CCSER1: variants seen among roughly 807,000 people sequenced by gnomAD.
CCSER1 encodes serine-rich coiled-coil domain-containing protein 1.
A neutral mutation model predicts 82.0 loss-of-function variants in CCSER1; 41 were observed. The observed-to-expected ratio is 0.50, with a 90% CI of 0.39 to 0.65. CCSER1 has a LOEUF of 0.65. CCSER1 is among the 30% of genes least tolerant of loss of function. The probability of loss-of-function intolerance (pLI) is 0.00; values close to 1 mark genes in which losing one functional copy is unlikely to be tolerated. For synonymous variants in CCSER1, 414 were observed against 383.9 expected (o/e 1.08, Z -0.92); for missense variants, 1,119 against 1,064.2 (o/e 1.05, Z -0.72).
At chr4:91,025,856 G>C (rs190356017) in intron 9 of CCSER1, among the ~76,000 whole-genome samples, 16 of 152,158 alleles carry the variant, frequency 1.1e-4, no homozygotes, top group African/African-American at 3.9e-4. Flanking sequence ...GTTTGGTTTT[G>C]ATTTTGTCTG....
intron 10 of CCSER1, among the ~76,000 whole-genome samples, chr4:91,155,703 CT>C (rs1730746291): frequency 6.6e-6 from 1 of 151,846 alleles, no homozygotes; most frequent in Non-Finnish European, 1.5e-5. Flanking sequence ...TTATATCTCC[CT>C]TTATTCTATT....
At chr4:91,357,675 C>A (rs945353421) in intron 10 of CCSER1, among the ~76,000 whole-genome samples, 3 of 151,656 alleles carry the variant, frequency 2.0e-5, no homozygotes, top group Non-Finnish European at 2.9e-5. Context: ...ACTCAGGAGG[C>A]CTTATTACTT....
chr4:90,469,465 A>C (rs1048656750), intron 5 of CCSER1, among the ~76,000 whole-genome samples: 22 of 151,470 alleles, frequency 1.5e-4, no homozygotes, highest in African/African-American at 5.1e-4. Flanking sequence ...TCTAATAGAT[A>C]ATTGCATCAT....
intron 7 of CCSER1, among the ~76,000 whole-genome samples, chr4:90,775,113 A>G (rs1204090189): frequency 6.6e-6 from 1 of 152,140 alleles, no homozygotes; most frequent in East Asian, 1.9e-4. Flanking sequence ...TTGTAACATA[A>G]TGACTCTTCA....
chr4:91,482,750 A>G (rs1758007035), intron 10 of CCSER1, among the ~76,000 whole-genome samples: 1 of 152,190 alleles, frequency 6.6e-6, no homozygotes, highest in South Asian at 2.1e-4. Context: ...TACACCATGG[A>G]ATACTATGCA....
intron 9 of CCSER1, among the ~76,000 whole-genome samples, chr4:90,957,704 A>G (rs889605131): frequency 7.9e-5 from 11 of 139,204 alleles, no homozygotes; most frequent in African/African-American, 2.6e-4. Flanking sequence ...CATGGTGTAT[A>G]TATATATATA....
intron 10 of CCSER1, among the ~76,000 whole-genome samples, chr4:91,374,775 C>A (rs900373383): frequency 6.6e-6 from 1 of 152,172 alleles, no homozygotes; most frequent in African/African-American, 2.4e-5. Flanking sequence ...GTGGGTGAAT[C>A]TCTTGAGGTC....
intron 1 of CCSER1, among the ~76,000 whole-genome samples, chr4:90,231,257 C>T (rs1744475141): frequency 6.6e-6 from 1 of 152,058 alleles, no homozygotes; most frequent in African/African-American, 2.4e-5. Context: ...AACAGCACAT[C>T]AAAAAGCTTA....
At chr4:91,140,324 A>T (rs1013175147) in intron 10 of CCSER1, among the ~76,000 whole-genome samples, 2 of 151,818 alleles carry the variant, frequency 1.3e-5, no homozygotes, top group African/African-American at 4.8e-5. Context: ...TAAAATATTA[A>T]ATATATTTTA....
At chr4:91,381,021 G>T (rs1578318713) in intron 10 of CCSER1, among the ~76,000 whole-genome samples, 1 of 152,248 alleles carries the variant, frequency 6.6e-6, no homozygotes, top group Admixed American at 6.5e-5. Context: ...ATTTTGGCTG[G>T]TTATGAAATT....
intron 9 of CCSER1, among the ~76,000 whole-genome samples, chr4:90,977,344 G>C (rs1735701534): frequency 6.6e-6 from 1 of 151,350 alleles, no homozygotes; most frequent in Non-Finnish European, 1.5e-5. Flanking sequence ...TCTGATACTT[G>C]AGGCTAAAAG....
chr4:90,276,274 C>G (rs1727729245), intron 1 of CCSER1, among the ~76,000 whole-genome samples: 1 of 126,106 alleles, frequency 7.9e-6, no homozygotes, highest in African/African-American at 3.2e-5. Flanking sequence ...TTCCTTCCTT[C>G]CTTCCTTCCT....
At chr4:91,156,632 G>A (rs538074115) in intron 10 of CCSER1, among the ~76,000 whole-genome samples, 1 of 151,408 alleles carries the variant, frequency 6.6e-6, no homozygotes, top group Non-Finnish European at 1.5e-5. Context: ...CAATGATGAG[G>A]GTCCAACTGA....
chr4:90,782,558 G>A (rs148329809), intron 7 of CCSER1, among the ~76,000 whole-genome samples: 110 of 152,186 alleles, frequency 7.2e-4, no homozygotes, highest in African/African-American at 2.6e-3. Flanking sequence ...CAGTGGCAAT[G>A]GGAATTTAAG....
intron 1 of CCSER1, among the ~76,000 whole-genome samples, chr4:90,189,351 T>A (rs1052499098): frequency 1.3e-5 from 2 of 151,824 alleles, no homozygotes; most frequent in Non-Finnish European, 2.9e-5. Flanking sequence ...GATAGTCAGG[T>A]CTTTGGATGG....
chr4:90,725,574 C>G (rs1466478727), intron 7 of CCSER1, among the ~76,000 whole-genome samples: 1 of 151,370 alleles, frequency 6.6e-6, no homozygotes, highest in African/African-American at 2.4e-5. Flanking sequence ...AATTATCCCA[C>G]TAGTGTTTAT....
At chr4:91,183,329 C>G (rs1734224731) in intron 10 of CCSER1, among the ~76,000 whole-genome samples, 1 of 151,792 alleles carries the variant, frequency 6.6e-6, no homozygotes, top group African/African-American at 2.4e-5. Flanking sequence ...GTCTGGAAAA[C>G]TTTACTTTTT....
At chr4:91,152,257 T>C (rs955704744) in intron 10 of CCSER1, among the ~76,000 whole-genome samples, 3 of 152,190 alleles carry the variant, frequency 2.0e-5, no homozygotes, top group Non-Finnish European at 4.4e-5. Flanking sequence ...TTGATCTTTG[T>C]TCTTTTAAAG....
intron 10 of CCSER1, among the ~76,000 whole-genome samples, chr4:91,528,941 A>G (rs1384999302): frequency 6.6e-6 from 1 of 152,174 alleles, no homozygotes; most frequent in Admixed American, 6.5e-5. Flanking sequence ...GTTTTAATTA[A>G]TCGATCATAA....
Sources: allele counts gnomAD v4.1 joint callset (sites outside exome capture counted in the v4.1 genomes callset), GRCh38; gene constraint gnomAD v4.1.1; transcripts MANE v1.5; gene names NCBI Gene and HGNC (gene_info 2026-07-23, HGNC 2026-07-21).